EDIL3: variants seen among roughly 807,000 people sequenced by gnomAD.
The protein encoded by EDIL3 is EGF like and discoidin domains 3.
A neutral mutation model predicts 67.4 loss-of-function variants in EDIL3; 37 were observed. The observed-to-expected ratio is 0.55, with a 90% confidence interval of 0.42 to 0.72. The LOEUF is 0.72. EDIL3 is among the 30% of genes least tolerant of loss of function. The probability of loss-of-function intolerance (pLI) is 0.00; values close to 1 mark genes in which losing one functional copy is unlikely to be tolerated. For synonymous variants in EDIL3, 195 were observed against 196.3 expected (o/e 0.99, Z 0.05); for missense variants, 527 against 586.3 (o/e 0.90, Z 1.04).
At chr5:84,293,487 T>C (rs1033089746) in intron 1 of EDIL3, among the ~76,000 whole-genome samples, 7 of 150,640 alleles carry the variant, frequency 4.6e-5, no homozygotes, top group Non-Finnish European at 7.4e-5. Flanking sequence ...CTCTGCTAAC[T>C]CTTGTTTTCA....
chr5:84,118,380 A>G (rs1003158443), intron 5 of EDIL3, among the ~76,000 whole-genome samples: 32 of 152,296 alleles, frequency 2.1e-4, no homozygotes, highest in African/African-American at 7.0e-4. Flanking sequence ...GATTAATTAG[A>G]TTAATTTATA....
intron 3 of EDIL3, among the ~76,000 whole-genome samples, chr5:84,194,659 T>G (rs1028601133): frequency 6.6e-5 from 10 of 151,954 alleles, no homozygotes; most frequent in Non-Finnish European, 1.3e-4. Context: ...ATTAAATGTA[T>G]GTAGCACAGA....
At chr5:83,995,500 C>G (rs1465462999) in intron 9 of EDIL3, among the ~76,000 whole-genome samples, 1 of 152,088 alleles carries the variant, frequency 6.6e-6, no homozygotes, top group Non-Finnish European at 1.5e-5. Context: ...TGAGTCGTTG[C>G]ATACTAAAAA....
Position 84,100,180 on chromosome 5 carries a change from G to A in EDIL3, c.651+6469C>T, listed in dbSNP as rs542874424. The stretch of plus-strand genomic sequence containing the variant: ...GAAGACAGTGTGGTGATTCCTTAAG[G>A]ATCTAGAACCAGAAATACCATTTGA... On this transcript the variant is annotated intron_variant, in intron 6 of 10. Transcript: ENST00000296591. Among the ~76,000 whole-genome samples the A allele has an allele frequency of 7.9e-5, 12 of 152,220 alleles. No homozygotes were observed. In the South Asian group the frequency reaches 2.3e-3, roughly 29 times the overall value.
At chr5:84,087,105 C>T (rs535659169) in intron 6 of EDIL3, among the ~76,000 whole-genome samples, 142 of 152,322 alleles carry the variant, frequency 9.3e-4, no homozygotes, top group South Asian at 2.7e-3. Context: ...AGCTAATAAT[C>T]TCTTTAATAT....
intron 1 of EDIL3, among the ~76,000 whole-genome samples, chr5:84,290,092 C>T (rs1028816178): frequency 1.3e-5 from 2 of 152,122 alleles, no homozygotes; most frequent in Non-Finnish European, 2.9e-5. Flanking sequence ...AGTGTTGGAT[C>T]CTGAAAGCTC....
intron 9 of EDIL3, among the ~76,000 whole-genome samples, chr5:84,057,756 C>A (rs190882476): frequency 6.7e-6 from 1 of 150,192 alleles, no homozygotes; most frequent in African/African-American, 2.5e-5. Flanking sequence ...TGGCTCAAAC[C>A]AATAACTTGA....
At chr5:84,340,539 T>TATAA (rs1279933734) in intron 1 of EDIL3, among the ~76,000 whole-genome samples, 2 of 38,688 alleles carry the variant, frequency 5.2e-5, no homozygotes, top group Non-Finnish European at 1.3e-4. Flanking sequence ...TCTCTCTATA[T>TATAA]ATATATATAT....
rs558906952 is a variant in EDIL3, at chr5:84,312,310, C to T, written c.68-58098G>A. ...CTGACCCCCCCACCTCCCTCCCCGA[C>T]GGGGCGGCTGGCCGGGTGGGGGGCT... On this transcript the variant is annotated intron_variant, in intron 1 of 10. Transcript: ENST00000296591. 2.9e-3 allele frequency among the ~76,000 whole-genome samples: 395 copies of T among 135,204 alleles called. 35 individuals carry two copies. Among genetic ancestry groups the T allele is most frequent in the African/African-American group, 0.011 (359 of 31,632 alleles). 88.7% of individuals were successfully genotyped at this position (135,204 alleles called of 152,430 possible).
At position 84,171,542 on chromosome 5, in the gene EDIL3, T is replaced by C. The variant is rs370796623; in HGVS notation, c.355+8851A>G. 2.6e-4 allele frequency among the ~76,000 whole-genome samples: 40 copies of C among 152,286 alleles called. No individual in the cohort carries two copies. The East Asian group carries it at 4.1e-3, about 15-fold the overall frequency. The stretch of plus-strand genomic sequence containing the variant: ...ATTTTAAGAGCAGTAAGCTAATATA[T>C]TTTTCTGCCCTGATTCTTTTAATCA... On this transcript the variant is annotated intron_variant, in intron 4 of 10. Transcript: ENST00000296591.
chr5:84,265,951 T>C (rs768453129), intron 1 of EDIL3, among the ~76,000 whole-genome samples: 1 of 152,190 alleles, frequency 6.6e-6, no homozygotes, highest in African/African-American at 2.4e-5. Flanking sequence ...CCAATTTGCA[T>C]CTTTATAGGG....
At chr5:84,280,287 C>T (rs2112106177) in intron 1 of EDIL3, among the ~76,000 whole-genome samples, 1 of 152,208 alleles carries the variant, frequency 6.6e-6, no homozygotes, top group Non-Finnish European at 1.5e-5. Flanking sequence ...TCAGTTTCAT[C>T]TCCTTGAAAT....
intron 3 of EDIL3, among the ~76,000 whole-genome samples, chr5:84,182,302 C>CACACACACACACAA (rs1329764929): frequency 5.3e-5 from 7 of 132,626 alleles, no homozygotes; most frequent in African/African-American, 1.6e-4. Flanking sequence ...CACACACACA[C>CACACACACACACAA]ACACAAATCC....
At chr5:84,125,861 G>T (rs902829732) in intron 5 of EDIL3, among the ~76,000 whole-genome samples, 2 of 151,746 alleles carry the variant, frequency 1.3e-5, no homozygotes, top group East Asian at 1.9e-4. Flanking sequence ...AGACTGAAAA[G>T]GTTCGGTTGA....
At chr5:84,111,615 T>C (rs941408652) in intron 5 of EDIL3, among the ~76,000 whole-genome samples, 1 of 151,942 alleles carries the variant, frequency 6.6e-6, no homozygotes, top group Non-Finnish European at 1.5e-5. Flanking sequence ...GAGAGACAAA[T>C]AATAAACAAA....
At chr5:84,113,424 A>G (rs1024112042) in intron 5 of EDIL3, among the ~76,000 whole-genome samples, 2 of 152,196 alleles carry the variant, frequency 1.3e-5, no homozygotes, top group Non-Finnish European at 2.9e-5. Context: ...CCTGCTGTTC[A>G]GACTAATACT....
At chr5:84,310,280 C>A (rs1004451543) in intron 1 of EDIL3, among the ~76,000 whole-genome samples, 24 of 152,044 alleles carry the variant, frequency 1.6e-4, no homozygotes, top group Admixed American at 3.3e-4. Flanking sequence ...GATTAGAAAT[C>A]TTCAGATTAA....
intron 4 of EDIL3, among the ~76,000 whole-genome samples, chr5:84,150,920 A>G (rs1748377964): frequency 6.6e-6 from 1 of 152,158 alleles, no homozygotes; most frequent in South Asian, 2.1e-4. Flanking sequence ...TCAGGCAAAA[A>G]TAATATACAG....
chr5:84,181,520 G>A (rs974577353), intron 3 of EDIL3, among the ~76,000 whole-genome samples: 3 of 152,144 alleles, frequency 2.0e-5, no homozygotes, highest in African/African-American at 7.2e-5. Flanking sequence ...TCTATGCCAT[G>A]TTCTCTCCTT....
Sources: gnomAD v4.1 joint callset for allele counts (sites outside exome capture counted in the v4.1 genomes callset) on GRCh38, gnomAD v4.1.1 for gene constraint, MANE v1.5 for transcripts, NCBI Gene and HGNC (gene_info 2026-07-23, HGNC 2026-07-21) for gene names.